The following PDZD2 variants were observed in gnomAD, a reference collection of about 807,000 sequenced individuals.
PDZD2 encodes the protein PDZ domain containing 2.
Under a neutral mutation model 220.7 loss-of-function variants are expected in PDZD2, and 90 were observed. The observed-to-expected ratio is 0.41, with a 90% CI of 0.34 to 0.49. The LOEUF (loss-of-function observed/expected upper bound fraction) is 0.49. PDZD2 is among the 20% of genes least tolerant of loss of function. The pLI is 0.28. For missense variants in PDZD2, 3,174 were observed against 3,608.5 expected (o/e 0.88, Z 3.08); for synonymous variants, 1,375 against 1,450.5 (o/e 0.95, Z 1.18).
At chr5:31,987,534 A>G (rs1750812913) in intron 3 of PDZD2, among the ~76,000 whole-genome samples, 1 of 151,848 alleles carries the variant, frequency 6.6e-6, no homozygotes, top group Non-Finnish European at 1.5e-5. Flanking sequence ...CACTGGGTGA[A>G]CTCACATTGT....
At chr5:32,072,134 G>A in intron 16 of PDZD2, 27 bp from the exon 17 acceptor site, 1 of 1,561,082 alleles carries the variant, frequency 6.4e-7, no homozygotes, top group Middle Eastern at 1.7e-4. Context: ...TGTTTTCTTA[G>A]TTATCGGATG....
At chr5:31,862,493 A>G (rs1175729846) in intron 2 of PDZD2, among the ~76,000 whole-genome samples, 1 of 151,976 alleles carries the variant, frequency 6.6e-6, no homozygotes, top group East Asian at 1.9e-4. Flanking sequence ...TGGACATTTA[A>G]GTAGTATGGG....
chr5:31,854,992 G>GGGCAGCT lies in PDZD2; in HGVS notation c.476+55275_476+55281dup, dbSNP rs1170203066. The GGGCAGCT allele has an allele frequency of 1.1e-5, 11 of 985,344 alleles. No individual in the cohort carries two copies. The East Asian group carries it at 8.0e-4, about 71-fold the overall frequency. The allele number at this position is 985,344 out of a possible 1,614,324, so 61.0% of individuals were successfully genotyped here. A position where few individuals can be genotyped will look rare whatever the true frequency, so the allele number is the denominator to read the frequency against. On this transcript the variant is annotated intron_variant, in intron 2 of 24. Transcript: ENST00000438447. ...GTCCTGCAGGAGCCGCGTTCCAGGA[G>GGGCAGCT]GGCAGCTGGCAGCCGCCCCAGGCCC...
At chr5:31,650,401 A>G (rs1430470335) in intron 1 of PDZD2, among the ~76,000 whole-genome samples, 1 of 152,174 alleles carries the variant, frequency 6.6e-6, no homozygotes, top group African/African-American at 2.4e-5. Flanking sequence ...ACGATTCCAT[A>G]CAGAATCTCT....
At chr5:31,919,294 T>C (rs1350815458) in intron 2 of PDZD2, among the ~76,000 whole-genome samples, 1 of 152,136 alleles carries the variant, frequency 6.6e-6, no homozygotes, top group Non-Finnish European at 1.5e-5. Context: ...ATTATTCATA[T>C]GGCTAGTGAG....
Position 32,000,158 on chromosome 5 carries a change from G to A in PDZD2, c.1141G>A (p.Gly381Arg), listed in dbSNP as rs781751208. The A allele has an allele frequency of 6.2e-7, 1 of 1,614,094 alleles. No individual in the cohort carries two copies. The highest frequency in any genetic ancestry group is 8.5e-7 in the Non-Finnish European group (1 of 1,179,956). Residue 381 changes from glycine (G) to arginine (R), a missense_variant, in exon 5 of 25, where the codon GGA (glycine) becomes AGA (arginine). This residue lies in a region of PDZD2 where 632 missense variants were observed against 708.1 expected (regional missense o/e 0.89). Coordinates refer to ENST00000438447, the MANE Select transcript of PDZD2 (RefSeq NM_178140.4). This position sits in a 1 kb window ranked among gnomAD's most constrained non-coding sequence, Gnocchi z 4.5. ...CCTCAGGGATGGCAGGCTGTCCTTA[G>A]GAGATGAGCTGCTGGTAATCAATGG... The part of the protein sequence containing the change: ...AAHRDGRLSL[G>R]DELLVINGHL...
intron 1 of PDZD2, among the ~76,000 whole-genome samples, chr5:31,641,924 C>T (rs12655311): frequency 0.033 from 5,076 of 152,124 alleles, 119 homozygotes; most frequent in East Asian, 0.087. Context: ...TCAGGTTAGA[C>T]AGGAAAAGAG....
At chr5:31,979,036 A>G (rs1180004148) in intron 2 of PDZD2, among the ~76,000 whole-genome samples, 6 of 152,158 alleles carry the variant, frequency 3.9e-5, no homozygotes, top group Non-Finnish European at 8.8e-5. Context: ...AGTTTCTTGG[A>G]ACTTCCATGA....
At chr5:31,987,045 C>T (rs1268025138) in intron 3 of PDZD2, among the ~76,000 whole-genome samples, 1 of 148,720 alleles carries the variant, frequency 6.7e-6, no homozygotes, top group Non-Finnish European at 1.5e-5. Context: ...CTAAAACAAT[C>T]TCCTAGGACA....
In PDZD2 at chr5:32,105,219, G is replaced by A. The variant is rs56957916; in HGVS notation, c.8354-2750G>A. 2.5e-3 allele frequency among the ~76,000 whole-genome samples: 381 copies of A among 152,236 alleles called. 1 individual carries two copies. Among genetic ancestry groups the A allele is most frequent in the African/African-American group, 9.0e-3 (372 of 41,542 alleles). ...CAGTAAGAAAAATACAAGAGAGAAA[G>A]TTTGGGTAAAGAAAGCAATAGCAAA... On this transcript the variant is annotated intron_variant, in intron 24 of 24. Coordinates refer to ENST00000438447, the MANE Select transcript of PDZD2 (RefSeq NM_178140.4).
chr5:31,979,917 G>A (rs1233383039), intron 2 of PDZD2, among the ~76,000 whole-genome samples: 2 of 152,182 alleles, frequency 1.3e-5, no homozygotes, highest in South Asian at 2.1e-4. Flanking sequence ...TTCATCTTCT[G>A]TTAAGACCGT....
intron 1 of PDZD2, among the ~76,000 whole-genome samples, chr5:31,692,150 C>A (rs557008553): frequency 1.7e-3 from 241 of 143,404 alleles, no homozygotes; most frequent in Middle Eastern, 0.014. Flanking sequence ...GGTCCCGAGC[C>A]CTGCTCGCGG....
intron 1 of PDZD2, among the ~76,000 whole-genome samples, chr5:31,658,215 T>A (rs1745626016): frequency 6.6e-6 from 1 of 151,996 alleles, no homozygotes; most frequent in South Asian, 2.1e-4. Flanking sequence ...CTATTCTAAC[T>A]CTTCCCCTCC....
chr5:32,037,408 T>C (rs534197345), intron 7 of PDZD2, 66 bp downstream of exon 7: 2 of 899,084 alleles, frequency 2.2e-6, no homozygotes, highest in Non-Finnish European at 3.7e-6. Flanking sequence ...AGCAGGGAGA[T>C]GAAGCCATTG....
chr5:32,043,767 A>G (rs970545159), intron 7 of PDZD2, among the ~76,000 whole-genome samples: 3 of 152,092 alleles, frequency 2.0e-5, no homozygotes, highest in Non-Finnish European at 2.9e-5. Context: ...AGCTGAGACT[A>G]CACGCGCAGG....
chr5:31,995,571 C>T lies in PDZD2; in HGVS notation c.979-5C>T. 1 of 1,614,058 alleles carries T rather than the reference C, an allele frequency of 6.2e-7. No individual in the cohort carries two copies. Among genetic ancestry groups the T allele is most frequent in the Non-Finnish European group, 8.5e-7 (1 of 1,179,966 alleles). ...CTTCATGGTGTGCTCACTTTTTCTT[C>T]CAAGGAGGAAGTTGGCCGAATATGG... is the stretch of plus-strand genomic sequence containing the variant. On this transcript the variant is annotated splice_polypyrimidine_tract_variant and splice_region_variant and intron_variant, in intron 3 of 24. Coordinates refer to ENST00000438447, the MANE Select transcript of PDZD2 (RefSeq NM_178140.4).
At position 31,642,849 on chromosome 5, in the gene PDZD2, G is replaced by A. The variant is rs531528772; in HGVS notation, c.-361+3412G>A. 1.8e-3 allele frequency among the ~76,000 whole-genome samples: 273 copies of A among 152,336 alleles called. 3 individuals carry two copies. Among genetic ancestry groups the A allele is most frequent in the Non-Finnish European group, 2.2e-4 (15 of 68,024 alleles). On this transcript the variant is annotated intron_variant, in intron 1 of 24. Transcript: ENST00000438447. ...CCTGGGGTCACTTCGTGAAGCTGGG[G>A]CCTGGAGGAAAGGGCTGCGGTACTG...
At chr5:31,814,142 A>G (rs1199636058) in intron 2 of PDZD2, among the ~76,000 whole-genome samples, 1 of 152,226 alleles carries the variant, frequency 6.6e-6, no homozygotes, top group Non-Finnish European at 1.5e-5. Flanking sequence ...ATTTTTCACA[A>G]TTCAATGCCT....
chr5:31,704,224 G>T (rs1416719188), intron 1 of PDZD2, among the ~76,000 whole-genome samples: 1 of 152,102 alleles, frequency 6.6e-6, no homozygotes, highest in Admixed American at 6.5e-5. Flanking sequence ...TGTTGCCTAG[G>T]CTGGTTTCAA....
Sources: allele counts gnomAD v4.1 joint callset (sites outside exome capture counted in the v4.1 genomes callset), GRCh38; gene constraint gnomAD v4.1.1; regional missense constraint gnomAD v4.1.1; non-coding constraint Gnocchi (gnomAD v3.1); transcripts MANE v1.5; gene names NCBI Gene and HGNC (gene_info 2026-07-23, HGNC 2026-07-21).